SLC12A1: variants seen among roughly 807,000 people sequenced by gnomAD.
The protein encoded by SLC12A1 is Na-K-2Cl cotransporter.
Under a neutral mutation model 130.4 loss-of-function variants are expected in SLC12A1, and 89 were observed. The ratio of observed to expected loss-of-function variants is 0.68; its 90% CI spans 0.58 to 0.81. The LOEUF is 0.81. Ranked by LOEUF, SLC12A1 falls within the 40% of genes least tolerant of loss-of-function variation. The pLI, the probability that SLC12A1 is intolerant of heterozygous loss-of-function variation, is 0.00. For missense variants in SLC12A1, 1,310 were observed against 1,336.4 expected, an observed-to-expected ratio of 0.98 and a Z score of 0.31; for synonymous variants, 499 against 460.0, an observed-to-expected ratio of 1.08 and a Z score of -1.09.
chr15:48,207,716 G>T lies in SLC12A1; in HGVS notation c.-4G>T, dbSNP rs774457646. ...ATAGCTCAGTAAAAAATCAATTTTG[G>T]AAGATGTCACTGAACAACTCTTCCA... On this transcript the variant is annotated 5_prime_UTR_variant, in exon 2 of 27. Coordinates refer to ENST00000380993, the MANE Select transcript of SLC12A1 (RefSeq NM_000338.3). The T allele has an allele frequency of 6.5e-7, 1 of 1,544,594 alleles. No homozygotes were observed. The highest frequency in any genetic ancestry group is 1.3e-5 in the South Asian group (1 of 77,600).
At chr15:48,225,784 T>G (rs1286026559) in intron 4 of SLC12A1, 2 of 459,290 alleles carry the variant, frequency 4.4e-6, no homozygotes, top group South Asian at 9.1e-5. Flanking sequence ...GACTTGCTGG[T>G]TTTTATGTAA....
rs533260441 is a variant in SLC12A1 at position 48,303,958 on chromosome 15, T to C, written c.*1073T>C. 2 of 152,328 alleles carry C rather than the reference T, an allele frequency of 1.3e-5. No individual in the cohort carries two copies. The highest frequency in any genetic ancestry group is 4.1e-4 in the South Asian group (2 of 4,820). The allele number at this position is 152,328 out of a possible 1,614,324, so 9.4% of individuals were successfully genotyped here. A position where few individuals can be genotyped will look rare whatever the true frequency, so the allele number is the denominator to read the frequency against. ...ATACATAATCACATTGACAAACCAA[T>C]GAAAATATTGATTTTCTGATGAATG... On this transcript the variant is annotated 3_prime_UTR_variant, in exon 27 of 27. Coordinates refer to ENST00000380993, the MANE Select transcript of SLC12A1 (RefSeq NM_000338.3).
chr15:48,249,311 T>C (rs540858611), intron 13 of SLC12A1, among the ~76,000 whole-genome samples: 8 of 95,802 alleles, frequency 8.4e-5, no homozygotes, highest in African/African-American at 3.5e-4. Context: ...GTCGCACATC[T>C]ACCCATTGCC....
chr15:48,285,009 C>A, intron 20 of SLC12A1, 97 bp from the exon 21 acceptor site: 1 of 832,352 alleles, frequency 1.2e-6, no homozygotes, highest in Non-Finnish European at 1.8e-6. Flanking sequence ...ATTATTTTAT[C>A]ACATACATAC....
In SLC12A1 at chr15:48,246,782, A is replaced by AAAC. The variant is rs10679509; in HGVS notation, c.1453-115_1453-113dup. The AAAC allele has an allele frequency of 0.97, 673,401 of 692,080 alleles. 328,100 individuals are homozygous for AAAC. The highest frequency in any genetic ancestry group is 0.99 in the Non-Finnish European group (372,671 of 376,038). The allele number at this position is 692,080 out of a possible 1,614,324, so 42.9% of individuals were successfully genotyped here. A position where few individuals can be genotyped will look rare whatever the true frequency, so the allele number is the denominator to read the frequency against. ...GCGATAGAGCGAGACTGTCTCAAACAAACAACAACAACAAGAAAAGGAATG... is the reference window on the plus strand; with the variant it reads ...GCGATAGAGCGAGACTGTCTCAAACAAACAACAACAACAACAAGAAAAGGAATG... On this transcript the variant is annotated intron_variant, in intron 11 of 26. Coordinates refer to ENST00000380993, the MANE Select transcript of SLC12A1 (RefSeq NM_000338.3).
chr15:48,285,177 G>A lies in SLC12A1; in HGVS notation c.2557G>A (p.Glu853Lys), dbSNP rs760382508. 6.2e-7 allele frequency: 1 copy of A among 1,613,688 alleles called. No homozygotes were observed. Reference protein sequence around the residue: ...ATIKDNECEEESGGIRGLFKK... With the variant: ...ATIKDNECEEKSGGIRGLFKK... ...TATCAAAGATAATGAGTGTGAAGAGGAAAGTGGAGGCATCCGAGGCTTGTT... is the reference window on the plus strand; with the variant it reads ...TATCAAAGATAATGAGTGTGAAGAGAAAAGTGGAGGCATCCGAGGCTTGTT... The change falls in exon 21 of 27, where the codon GAA (glutamate) becomes AAA (lysine). Residue 853 changes from glutamate to lysine, a missense_variant. Coordinates refer to ENST00000380993, the MANE Select transcript of SLC12A1 (RefSeq NM_000338.3).
At chr15:48,209,911 T>C (rs1597393747) in intron 2 of SLC12A1, among the ~76,000 whole-genome samples, 1 of 152,188 alleles carries the variant, frequency 6.6e-6, no homozygotes, top group African/African-American at 2.4e-5. Flanking sequence ...AAATGGCTGG[T>C]TTCCTTATAG....
chr15:48,233,915 C>A (rs1246606744), intron 8 of SLC12A1, among the ~76,000 whole-genome samples: 2 of 147,396 alleles, frequency 1.4e-5, no homozygotes, highest in East Asian at 3.9e-4. Flanking sequence ...TTCTGTTTTT[C>A]TTCTAGGTTG....
In SLC12A1 at chr15:48,250,764, T is replaced by C. The variant is rs189689697; in HGVS notation, c.1787-851T>C. On this transcript the variant is annotated intron_variant, in intron 14 of 26. Transcript: ENST00000380993. Reference sequence around the variant, plus strand: ...ACTATTTTCAATGATGTTCTTGAAGTGCTATGTCCATCTTGTGGCCATTTA... The same window carrying C: ...ACTATTTTCAATGATGTTCTTGAAGCGCTATGTCCATCTTGTGGCCATTTA... Among the ~76,000 whole-genome samples, 507 of 151,662 alleles carry C rather than the reference T, an allele frequency of 3.3e-3. 4 individuals carry two copies. The highest frequency in any genetic ancestry group is 0.012 in the African/African-American group (488 of 41,202).
intron 2 of SLC12A1, among the ~76,000 whole-genome samples, chr15:48,211,566 A>T (rs1470598408): frequency 6.6e-6 from 1 of 152,222 alleles, no homozygotes; most frequent in Admixed American, 6.5e-5. Context: ...TGTTTACTTA[A>T]ATCATTTAAA....
chr15:48,241,643 G>A (rs1344456399), intron 10 of SLC12A1, 44 bp downstream of exon 10: 5 of 1,392,482 alleles, frequency 3.6e-6, no homozygotes, highest in Non-Finnish European at 5.1e-6. Context: ...AATTACGAGG[G>A]GTCCAGTTGT....
At position 48,238,149 on chromosome 15, in the gene SLC12A1, C is replaced by T. The variant is rs145828117; in HGVS notation, c.1215+3145C>T. On this transcript the variant is annotated intron_variant, in intron 9 of 26. Transcript: ENST00000380993. ...ATTACAAGCAATGCCTTCTGATATT[C>T]TCACATCAGTTCTATTCTATTGGAT... is the stretch of plus-strand genomic sequence containing the variant. Among the ~76,000 whole-genome samples, 447 of 152,346 alleles carry T rather than the reference C, an allele frequency of 2.9e-3. 3 individuals are homozygous for T. The highest frequency in any genetic ancestry group is 0.01 in the African/African-American group (423 of 41,568).
Position 48,274,584 on chromosome 15 carries a change from T to A in SLC12A1, c.2416T>A (p.Phe806Ile), listed in dbSNP as rs1359659920. 2.5e-6 allele frequency: 4 copies of A among 1,612,668 alleles called. No homozygotes were observed. Among genetic ancestry groups the A allele is most frequent in the Non-Finnish European group, 3.4e-6 (4 of 1,179,200 alleles). The change falls in exon 20 of 27, where the codon TTT becomes ATT. Residue 806 changes from phenylalanine to isoleucine, a missense_variant. Transcript: ENST00000380993. Reference protein sequence around the residue: ...YVGIIHDAFDFEIGVVIVRIS... With the variant: ...YVGIIHDAFDIEIGVVIVRIS... ...TTCCTCTTTCAGTGATGCATTTGAT[T>A]TTGAGATTGGCGTGGTTATAGTCAG... is the stretch of plus-strand genomic sequence containing the variant.
rs1447880380 is a variant in SLC12A1, at chr15:48,299,182, T to G, written c.3003T>G (p.His1001Gln). The change falls in exon 25 of 27, where the codon CAT becomes CAG. Residue 1001 changes from histidine to glutamine, a missense_variant. Physicochemically the swap from His to Gln is conservative, Grantham distance 24 (BLOSUM62 0). Coordinates refer to ENST00000380993, the MANE Select transcript of SLC12A1 (RefSeq NM_000338.3). ...FEEMIEPYRLHESCKDLTTAE... is the reference protein window; with the variant it reads ...FEEMIEPYRLQESCKDLTTAE... ...AGATGATTGAACCATATCGTCTCCA[T>G]GAAAGCTGCAAAGATTTAACAACTG... is the stretch of plus-strand genomic sequence containing the variant. The G allele has an allele frequency of 1.9e-6, 3 of 1,607,984 alleles. No homozygotes were observed. Among genetic ancestry groups the G allele is most frequent in the Admixed American group, 3.4e-5 (2 of 58,596 alleles).
At position 48,226,992 on chromosome 15, in the gene SLC12A1, G is replaced by A. The variant is rs1164576074; in HGVS notation, c.724+421G>A. The A allele has an allele frequency of 4.8e-6, 4 of 834,726 alleles. No homozygotes were observed. The South Asian group carries it at 6.6e-5, about 14-fold the overall frequency. 51.7% of individuals were successfully genotyped at this position (834,726 alleles called of 1,614,324 possible). On this transcript the variant is annotated intron_variant, in intron 5 of 26. Transcript: ENST00000380993. ...TTTTCACAGGGAGGTGGATCTTTCT[G>A]TGACAAGATTCAGACTGCTGCCTCC...
intron 19 of SLC12A1, among the ~76,000 whole-genome samples, chr15:48,272,081 C>T (rs1007876397): frequency 2.0e-5 from 3 of 152,142 alleles, no homozygotes; most frequent in African/African-American, 7.2e-5. Context: ...TAATCAAACC[C>T]AGTAATACTG....
chr15:48,302,910 T>G lies in SLC12A1; in HGVS notation c.*25T>G, dbSNP rs1421952680. 1.3e-6 allele frequency: 2 copies of G among 1,526,276 alleles called. No homozygotes were observed. The highest frequency in any genetic ancestry group is 2.7e-5 in the African/African-American group (2 of 73,234). The allele number at this position is 1,526,276 out of a possible 1,614,324, so 94.5% of individuals were successfully genotyped here. A position where few individuals can be genotyped will look rare whatever the true frequency, so the allele number is the denominator to read the frequency against. On this transcript the variant is annotated 3_prime_UTR_variant, in exon 27 of 27. Coordinates refer to ENST00000380993, the MANE Select transcript of SLC12A1 (RefSeq NM_000338.3). ...AAACATGAAAGATTGGAATACATTTTAACTTAATGTAATGCATAATTAAGA... is the reference window on the plus strand; with the variant it reads ...AAACATGAAAGATTGGAATACATTTGAACTTAATGTAATGCATAATTAAGA...
At chr15:48,282,474 C>T (rs540002779) in intron 20 of SLC12A1, among the ~76,000 whole-genome samples, 25 of 152,200 alleles carry the variant, frequency 1.6e-4, no homozygotes, top group African/African-American at 4.8e-4. Context: ...AATCATAGGG[C>T]GCACTGGAGC....
intron 4 of SLC12A1, 140 bp downstream of exon 4, chr15:48,221,136 T>C (rs1420992982): frequency 2.4e-6 from 2 of 831,682 alleles, no homozygotes; most frequent in African/African-American, 1.7e-5. Context: ...TTTGCTTCTT[T>C]GACGATGTTT....
Sources: gnomAD v4.1 joint callset for allele counts (sites outside exome capture counted in the v4.1 genomes callset) on GRCh38, gnomAD v4.1.1 for gene constraint, MANE v1.5 for transcripts, NCBI Gene and HGNC (gene_info 2026-07-23, HGNC 2026-07-21) for gene names.